PALMD: variants seen among roughly 807,000 people sequenced by gnomAD.
PALMD encodes the protein paralemmin-like protein.
In PALMD, 42 loss-of-function variants were observed where a neutral mutation model predicts 56.2. The observed-to-expected ratio is 0.75, with a 90% confidence interval of 0.58 to 0.97. The LOEUF (loss-of-function observed/expected upper bound fraction) is 0.97, where lower values mean the gene tolerates loss of function less well. PALMD is among the 50% of genes least tolerant of loss of function. PALMD has a pLI of 0.00. For missense variants in PALMD, 660 were observed against 643.8 expected, an observed-to-expected ratio of 1.03 and a Z score of -0.27; for synonymous variants, 242 against 222.9, an observed-to-expected ratio of 1.09 and a Z score of -0.76.
chr1:99,689,656 A>G lies in PALMD; in HGVS notation c.1396A>G (p.Ile466Val). 1.2e-6 allele frequency: 2 copies of G among 1,613,716 alleles called. No individual in the cohort carries two copies. Among genetic ancestry groups the G allele is most frequent in the Non-Finnish European group, 1.7e-6 (2 of 1,179,824 alleles). The change falls in exon 7 of 8, where the codon ATA becomes GTA. Residue 466 changes from isoleucine (I) to valine (V), a missense_variant. Physicochemically the swap from Ile to Val is conservative, Grantham distance 29 (BLOSUM62 3). Transcript: ENST00000263174. ...AGCAGAGAAACCGTCCTACCACCCC[A>G]TAGCTCCCCATAGTCAGGTGTACCA... is the stretch of plus-strand genomic sequence containing the variant. ...GEAEKPSYHP[I>V]APHSQVYQPA...
chr1:99,694,165 T>A lies in PALMD; in HGVS notation c.*103T>A. The stretch of plus-strand genomic sequence containing the variant: ...TTTATTTTTTCTGAAGTCCAAAAAA[T>A]TATCATTACAGTGTACCATATTAAG... On this transcript the variant is annotated 3_prime_UTR_variant, in exon 8 of 8. Transcript: ENST00000263174. 5.3e-6 allele frequency: 4 copies of A among 760,314 alleles called. No individual in the cohort carries two copies. The South Asian group carries it at 6.8e-5, about 13-fold the overall frequency. 47.1% of individuals were successfully genotyped at this position (760,314 alleles called of 1,614,324 possible).
rs1270697826 is a variant in PALMD, at chr1:99,694,510, TTAATAAAAG to T, written c.*451_*459del. ...TATGTCATCCTGAATTAATAATGCC[TTAATAAAAG>T]TACATCCTCCTGCTAACTATCACTT... On this transcript the variant is annotated 3_prime_UTR_variant, in exon 8 of 8. Coordinates refer to ENST00000263174, the MANE Select transcript of PALMD (RefSeq NM_017734.5). 1 of 156,284 alleles carries T rather than the reference TTAATAAAAG, an allele frequency of 6.4e-6. No homozygotes were observed. Among genetic ancestry groups the T allele is most frequent in the Admixed American group, 6.4e-5 (1 of 15,724 alleles). 9.7% of individuals were successfully genotyped at this position (156,284 alleles called of 1,614,324 possible).
rs747140755 is a variant in PALMD at position 99,689,341 on chromosome 1, G to C, written c.1081G>C (p.Asp361His). Reference protein sequence around the residue: ...WEESNVMQDKDAPSPKPRLSP... With the variant: ...WEESNVMQDKHAPSPKPRLSP... ...AGAATCGAATGTCATGCAGGACAAA[G>C]ATGCACCCTCTCCAAAGCCAAGGCT... The change falls in exon 7 of 8, where the codon GAT becomes CAT. Residue 361 changes from aspartate to histidine, a missense_variant. Physicochemically the swap from Asp to His is moderately conservative, Grantham distance 81. Transcript: ENST00000263174. 6.2e-7 allele frequency: 1 copy of C among 1,613,658 alleles called. No individual in the cohort carries two copies. The highest frequency in any genetic ancestry group is 1.1e-5 in the South Asian group (1 of 91,072).
intron 3 of PALMD, chr1:99,668,846 CAAAA>C (rs1197535405): frequency 6.6e-6 from 1 of 152,068 alleles, no homozygotes; most frequent in Admixed American, 6.5e-5. Context: ...CAAAAAAGCA[CAAAA>C]GAAACAGATA....
intron 2 of PALMD, among the ~76,000 whole-genome samples, chr1:99,665,590 AATCAC>A (rs1652944018): frequency 6.6e-6 from 1 of 152,148 alleles, no homozygotes; most frequent in African/African-American, 2.4e-5. Flanking sequence ...AAGTTAACCT[AATCAC>A]ATCACAAGAA....
Position 99,667,671 on chromosome 1 carries a change from A to G in PALMD, c.156A>G (p.Leu52=), listed in dbSNP as rs776067561. 50 of 1,613,018 alleles carry G rather than the reference A, an allele frequency of 3.1e-5. No individual in the cohort carries two copies. In the East Asian group the frequency reaches 1.0e-3, roughly 33 times the overall value. The change falls in exon 3 of 8, where the codon CTA becomes CTG. Residue 52 remains leucine (L), a synonymous_variant. Transcript: ENST00000263174. ...AGGCCTTGAGGGAGAAATGGCTTCTAGATGGAATCAGCAGCGGAAAAGAAC... is the reference window on the plus strand; with the variant it reads ...AGGCCTTGAGGGAGAAATGGCTTCTGGATGGAATCAGCAGCGGAAAAGAAC... ...KKKALREKWL[L]DGISSGKEQE...
intron 6 of PALMD, 56 bp from the exon 7 acceptor site, chr1:99,688,719 G>T: frequency 3.6e-6 from 4 of 1,112,034 alleles, no homozygotes; most frequent in Non-Finnish European, 5.2e-6. Context: ...GTGAAAGCAG[G>T]TTAGTTTACA....
intron 2 of PALMD, among the ~76,000 whole-genome samples, chr1:99,667,245 A>G (rs2100861952): frequency 1.3e-5 from 2 of 152,312 alleles, no homozygotes; most frequent in Admixed American, 6.5e-5. Flanking sequence ...GACACAAGAT[A>G]TATACCCATC....
intron 3 of PALMD, among the ~76,000 whole-genome samples, chr1:99,674,068 T>C (rs1481195434): frequency 6.6e-6 from 1 of 152,196 alleles, no homozygotes; most frequent in Non-Finnish European, 1.5e-5. Flanking sequence ...AGTAGTGCCC[T>C]GGTTTTTTAA....
Position 99,646,280 on chromosome 1 carries a change from GGACT to G in PALMD, c.-37_-34del, listed in dbSNP as rs774347792. The G allele has an allele frequency of 1.3e-6, 2 of 1,585,924 alleles. No homozygotes were observed. Among genetic ancestry groups the G allele is most frequent in the Non-Finnish European group, 1.7e-6 (2 of 1,154,448 alleles). Reference sequence around the variant, plus strand: ...AGGCTCCTTGATTTATGGTAGCTTTGGACTTGCTTCCCCGTCTGACTGTCCTTGA... The same window carrying G: ...AGGCTCCTTGATTTATGGTAGCTTTGTGCTTCCCCGTCTGACTGTCCTTGA... On this transcript the variant is annotated 5_prime_UTR_variant, in exon 1 of 8. The change creates a premature stop within an existing upstream ORF in the 5' untranslated region. Coordinates refer to ENST00000263174, the MANE Select transcript of PALMD (RefSeq NM_017734.5).
chr1:99,671,583 T>C (rs554249697), intron 3 of PALMD, among the ~76,000 whole-genome samples: 4 of 152,344 alleles, frequency 2.6e-5, no homozygotes, highest in Admixed American at 2.0e-4. Flanking sequence ...TTCTCTCCTT[T>C]CTTTATGCTA....
chr1:99,679,274 C>G (rs1410741537), intron 3 of PALMD, among the ~76,000 whole-genome samples: 2 of 152,166 alleles, frequency 1.3e-5, no homozygotes, highest in Admixed American at 6.5e-5. Flanking sequence ...GTAATACAAT[C>G]AAATTGCATT....
intron 3 of PALMD, among the ~76,000 whole-genome samples, chr1:99,680,305 T>C (rs1653310189): frequency 6.6e-6 from 1 of 152,220 alleles, no homozygotes; most frequent in Non-Finnish European, 1.5e-5. Flanking sequence ...AAATGAAAGC[T>C]ACCTGCTTTT....
At position 99,689,007 on chromosome 1, in the gene PALMD, A is replaced by G. The variant is rs1314403328; in HGVS notation, c.747A>G (p.Arg249=). 2.5e-6 allele frequency: 4 copies of G among 1,613,736 alleles called. No individual in the cohort carries two copies. The African/African-American group carries it at 5.3e-5, about 22-fold the overall frequency. The change falls in exon 7 of 8, where the codon AGA becomes AGG. Residue 249 remains arginine, a synonymous_variant. Transcript: ENST00000263174. ...AACTTCTAAGACAAGCCTCAGAGAGAAACTCTAAATCCCCAACAGAGTATC... is the reference window on the plus strand; with the variant it reads ...AACTTCTAAGACAAGCCTCAGAGAGGAACTCTAAATCCCCAACAGAGTATC... ...VEELLRQASE[R]NSKSPTEYHE...
At chr1:99,681,583 T>A (rs1653348345) in intron 3 of PALMD, among the ~76,000 whole-genome samples, 1 of 152,226 alleles carries the variant, frequency 6.6e-6, no homozygotes, top group Admixed American at 6.5e-5. Context: ...TATAAACAAA[T>A]TCCTTATAAA....
At chr1:99,659,301 C>G (rs1213261433) in intron 1 of PALMD, among the ~76,000 whole-genome samples, 4 of 152,090 alleles carry the variant, frequency 2.6e-5, no homozygotes, top group Admixed American at 1.3e-4. Flanking sequence ...AAGAGATAAC[C>G]TTTAACAGGT....
intron 1 of PALMD, among the ~76,000 whole-genome samples, chr1:99,651,594 T>C (rs1652587577): frequency 2.0e-5 from 3 of 152,300 alleles, no homozygotes; most frequent in Non-Finnish European, 1.5e-5. Flanking sequence ...CTACCCTCTC[T>C]TAAAAAGAAA....
chr1:99,653,697 G>A (rs1466993662), intron 1 of PALMD, among the ~76,000 whole-genome samples: 1 of 152,024 alleles, frequency 6.6e-6, no homozygotes, highest in Non-Finnish European at 1.5e-5. Flanking sequence ...AGTTCACCCA[G>A]CTTCTCCTTG....
At chr1:99,678,217 A>T (rs1386260863) in intron 3 of PALMD, among the ~76,000 whole-genome samples, 1 of 150,458 alleles carries the variant, frequency 6.6e-6, no homozygotes, top group African/African-American at 2.5e-5. Flanking sequence ...GATTCTCCTG[A>T]CTCAGCCTCC....
Sources: allele counts gnomAD v4.1 joint callset (sites outside exome capture counted in the v4.1 genomes callset), GRCh38; gene constraint gnomAD v4.1.1; transcripts MANE v1.5; gene names NCBI Gene and HGNC (gene_info 2026-07-23, HGNC 2026-07-21).